SYNE3: variants seen among roughly 807,000 people sequenced by gnomAD.
SYNE3 encodes nesprin-3.
Under a neutral mutation model 111.2 loss-of-function variants are expected in SYNE3, and 100 were observed. The ratio of observed to expected loss-of-function variants is 0.90; its 90% confidence interval spans 0.77 to 1.06. The LOEUF is 1.06. Among genes scored for constraint, SYNE3 ranks in the 50% least tolerant of loss-of-function variants. SYNE3 has a pLI of 0.00. For synonymous variants in SYNE3, 547 were observed against 533.9 expected, an observed-to-expected ratio of 1.02 and a Z score of -0.34; for missense variants, 1,160 against 1,240.3, an observed-to-expected ratio of 0.94 and a Z score of 0.97.
At chr14:95,499,025 T>C (rs1890216584) in intron 1 of SYNE3, among the ~76,000 whole-genome samples, 1 of 152,220 alleles carries the variant, frequency 6.6e-6, no homozygotes, top group Non-Finnish European at 1.5e-5. Context: ...CAGGGTTCAT[T>C]TCAAATGGGA....
chr14:95,483,032 C>T (rs1209497938), intron 1 of SYNE3, among the ~76,000 whole-genome samples: 1 of 152,098 alleles, frequency 6.6e-6, no homozygotes, highest in Non-Finnish European at 1.5e-5. Context: ...TGCCGAGTTC[C>T]AGGAAGGTAA....
intron 9 of SYNE3, 80 bp downstream of exon 9, chr14:95,445,829 A>G: frequency 6.7e-7 from 1 of 1,499,806 alleles, no homozygotes; most frequent in Admixed American, 1.7e-5. Flanking sequence ...AGTTTAGAAC[A>G]TAAGGCCATC....
intron 8 of SYNE3, 138 bp downstream of exon 8, chr14:95,449,793 C>T (rs987608979): frequency 1.1e-5 from 16 of 1,414,484 alleles, no homozygotes; most frequent in Non-Finnish European, 1.4e-5. Flanking sequence ...CACCAGGACT[C>T]AGCAGACCGG....
In SYNE3 at chr14:95,440,195, G is replaced by C. The variant is rs145743513; in HGVS notation, c.1912-120C>G. Reference sequence around the variant, plus strand: ...TGGGGACCCCAGGGCTCCCCACCAAGTAGCACCACAAGAGGCTGGGCTGGC... The same window carrying C: ...TGGGGACCCCAGGGCTCCCCACCAACTAGCACCACAAGAGGCTGGGCTGGC... On this transcript the variant is annotated intron_variant, in intron 11 of 17. Transcript: ENST00000682763. 370 of 1,154,856 alleles carry C rather than the reference G, an allele frequency of 3.2e-4. 3 individuals are homozygous for C. The African/African-American group carries it at 5.3e-3, about 17-fold the overall frequency. The allele number at this position is 1,154,856 out of a possible 1,614,324, so 71.5% of individuals were successfully genotyped here.
intron 1 of SYNE3, among the ~76,000 whole-genome samples, chr14:95,498,272 C>A (rs1890182380): frequency 6.6e-6 from 1 of 152,148 alleles, no homozygotes; most frequent in Non-Finnish European, 1.5e-5. Flanking sequence ...CTCACTACAA[C>A]CTCCACCTAC....
chr14:95,452,299 T>G lies in SYNE3; in HGVS notation c.1222A>C (p.Asn408His). Residue 408 changes from asparagine (N) to histidine (H), a missense_variant, in exon 7 of 18, where the codon AAC (asparagine) becomes CAC (histidine). Physicochemically the swap from Asn to His is moderately conservative, Grantham distance 68 (BLOSUM62 1). Coordinates refer to ENST00000682763, the MANE Select transcript of SYNE3 (RefSeq NM_152592.6). Reference protein sequence around the residue: ...QLKELIVFPHNLKPLSDSVIA... With the variant: ...QLKELIVFPHHLKPLSDSVIA... The stretch of plus-strand genomic sequence containing the variant: ...ACACTATCAGAGAGTGGCTTCAGGT[T>G]GTGAGGGAAGACGATGAGCTCCTTC... The G allele has an allele frequency of 3.7e-6, 6 of 1,613,902 alleles. No homozygotes were observed. Among genetic ancestry groups the G allele is most frequent in the Non-Finnish European group, 4.2e-6 (5 of 1,179,894 alleles).
In SYNE3 at chr14:95,443,205, T is replaced by A; in HGVS notation, c.1861A>T (p.Lys621Ter). ...LVQENPNHQH[K>*]MDQLSSDFQA... The stretch of plus-strand genomic sequence containing the variant: ...AAGTCGGAGGAAAGCTGGTCCATTT[T>A]GTGCTGGTGGTTGGGGTTCTCCTGG... The change falls in exon 11 of 18, where the codon AAA (lysine) becomes TAA (stop). Residue 621 changes from lysine (K) to a stop codon, truncating the protein, a stop_gained. Coordinates refer to ENST00000682763, the MANE Select transcript of SYNE3 (RefSeq NM_152592.6). LOFTEE classifies it high-confidence loss of function. 6.2e-7 allele frequency: 1 copy of A among 1,614,196 alleles called. No homozygotes were observed. Among genetic ancestry groups the A allele is most frequent in the Non-Finnish European group, 8.5e-7 (1 of 1,180,010 alleles).
At position 95,489,159 on chromosome 14, in the gene SYNE3, G is replaced by A. The variant is rs7155423; in HGVS notation, c.-14-13324C>T. On this transcript the variant is annotated intron_variant, in intron 1 of 17. Coordinates refer to ENST00000682763, the MANE Select transcript of SYNE3 (RefSeq NM_152592.6). ...CCCTGCAGGCAACTCTCTGAGGACAGAACCAAGCACCATGAAGCAACAGCC... is the reference window on the plus strand; with the variant it reads ...CCCTGCAGGCAACTCTCTGAGGACAAAACCAAGCACCATGAAGCAACAGCC... Among the ~76,000 whole-genome samples, 552 of 152,304 alleles carry A rather than the reference G, an allele frequency of 3.6e-3. 2 individuals carry two copies. In the Middle Eastern group the frequency reaches 0.041, roughly 11 times the overall value.
At chr14:95,445,585 C>A (rs1197854781) in intron 9 of SYNE3, among the ~76,000 whole-genome samples, 1 of 152,208 alleles carries the variant, frequency 6.6e-6, no homozygotes, top group Non-Finnish European at 1.5e-5. Context: ...TTTACAAGGA[C>A]TTTTATCACC....
Position 95,446,025 on chromosome 14 carries a change from G to A in SYNE3, c.1516C>T (p.Leu506=), listed in dbSNP as rs1306522781. The A allele has an allele frequency of 1.9e-6, 3 of 1,614,162 alleles. 1 individual carries two copies. In the Admixed American group the frequency reaches 5.0e-5, roughly 27 times the overall value. The change falls in exon 9 of 18, where the codon CTG becomes TTG. Residue 506 remains leucine (L), a synonymous_variant. Transcript: ENST00000682763. ...CTCTCCTGGCCAAAGATGCCAATCA[G>A]GAGGTCTTTCTTCAGCTGCAGCATC... ...LTMLQLKKDL[L]IGIFGQERAT... is the part of the protein sequence containing the mutation.
chr14:95,467,911 C>T lies in SYNE3; in HGVS notation c.201G>A (p.Met67Ile), dbSNP rs760769434. Residue 67 changes from methionine (M) to isoleucine (I), a missense_variant, in exon 3 of 18, where the codon ATG becomes ATA. Physicochemically the swap from Met to Ile is conservative, Grantham distance 10. Transcript: ENST00000682763. Reference protein sequence around the residue: ...GRVRVDLVLRMAEALLACCPG... With the variant: ...GRVRVDLVLRIAEALLACCPG... Reference sequence around the variant, plus strand: ...GGCAGCATGCCAAGAGGGCTTCAGCCATCCGTAGCACGAGGTCCACCCTCA... The same window carrying T: ...GGCAGCATGCCAAGAGGGCTTCAGCTATCCGTAGCACGAGGTCCACCCTCA... 1.7e-5 allele frequency: 28 copies of T among 1,614,080 alleles called. No homozygotes were observed. The highest frequency in any genetic ancestry group is 2.4e-5 in the Non-Finnish European group (28 of 1,180,018).
chr14:95,489,596 G>A (rs1259065331), intron 1 of SYNE3, among the ~76,000 whole-genome samples: 1 of 152,220 alleles, frequency 6.6e-6, no homozygotes, highest in African/African-American at 2.4e-5. Flanking sequence ...TTGGTGCTTA[G>A]TAGGTACTCA....
rs894225348 is a variant in SYNE3 at position 95,507,160 on chromosome 14, G to A, written c.-15+9436C>T. On this transcript the variant is annotated intron_variant, in intron 1 of 17. Transcript: ENST00000682763. ...ATTTAAGGGTCCTTCCTGGTGCCCC[G>A]CCCAGCCCCCTGAGCTTCCCTATCA... is the stretch of plus-strand genomic sequence containing the variant. 2.0e-5 allele frequency among the ~76,000 whole-genome samples: 3 copies of A among 152,254 alleles called. 1 individual carries two copies.
In SYNE3 at chr14:95,414,497, GC is replaced by G. The variant is rs1298392278; in HGVS notation, c.*3328del. On this transcript the variant is annotated 3_prime_UTR_variant, in exon 18 of 18. Transcript: ENST00000682763. The stretch of plus-strand genomic sequence containing the variant: ...CTCGCCTCGTCTGCTGTCAGTACCT[GC>G]CCATCCCTCCCGCTCCCAGCTTTTC... The G allele has an allele frequency of 6.6e-6, 1 of 152,184 alleles. No homozygotes were observed. Among genetic ancestry groups the G allele is most frequent in the African/African-American group, 2.4e-5 (1 of 41,400 alleles). The allele number at this position is 152,184 out of a possible 1,614,324, so 9.4% of individuals were successfully genotyped here.
intron 1 of SYNE3, among the ~76,000 whole-genome samples, chr14:95,507,309 G>C (rs1890564587): frequency 6.6e-6 from 1 of 152,210 alleles, no homozygotes; most frequent in Non-Finnish European, 1.5e-5. Flanking sequence ...GCCAATGTCA[G>C]TACGTTGAAG....
At chr14:95,509,334 T>C (rs1045080428) in intron 1 of SYNE3, among the ~76,000 whole-genome samples, 23 of 151,974 alleles carry the variant, frequency 1.5e-4, no homozygotes, top group African/African-American at 5.3e-4. Context: ...TCCTTGGAGG[T>C]GGCCCAGGTT....
At chr14:95,429,069 G>T (rs1355909624) in intron 17 of SYNE3, among the ~76,000 whole-genome samples, 1 of 152,234 alleles carries the variant, frequency 6.6e-6, no homozygotes. Context: ...ACGTGCATGC[G>T]TGCGCATAAC....
At chr14:95,483,862 C>A (rs758043072) in intron 1 of SYNE3, among the ~76,000 whole-genome samples, 13 of 152,204 alleles carry the variant, frequency 8.5e-5, no homozygotes, top group African/African-American at 9.6e-5. Flanking sequence ...AGAAGTCCCA[C>A]CTTGGAAAGG....
intron 1 of SYNE3, among the ~76,000 whole-genome samples, chr14:95,476,973 A>G (rs1300292995): frequency 6.6e-6 from 1 of 152,264 alleles, no homozygotes; most frequent in African/African-American, 2.4e-5. Context: ...GAGGCTTAAA[A>G]TGAATTTGTG....
Sources: allele counts gnomAD v4.1 joint callset (sites outside exome capture counted in the v4.1 genomes callset), GRCh38; gene constraint gnomAD v4.1.1; transcripts MANE v1.5; gene names NCBI Gene and HGNC (gene_info 2026-07-23, HGNC 2026-07-21).